NRAP: variants seen among roughly 807,000 people sequenced by gnomAD.
The protein encoded by NRAP is nebulin related anchoring protein, also known as nebulin-related-anchoring protein.
A neutral mutation model predicts 225.9 loss-of-function variants in NRAP; 189 were observed. That is an observed-to-expected ratio of 0.84 (90% CI 0.74 to 0.94). The LOEUF is 0.94. Among genes scored for constraint, NRAP ranks in the 40% least tolerant of loss-of-function variants. NRAP has a pLI of 0.00. For synonymous variants in NRAP, 769 were observed against 790.7 expected (o/e 0.97, Z 0.46); for missense variants, 2,176 against 2,168.7 (o/e 1.00, Z -0.07).
At chr10:113,605,638 C>T in intron 34 of NRAP, 124 bp downstream of exon 34, 1 of 689,766 alleles carries the variant, frequency 1.4e-6, no homozygotes. Flanking sequence ...ATATATTCTG[C>T]AGGTGACATC....
Position 113,615,567 on chromosome 10 carries a change from G to T in NRAP, c.3078+145C>A, listed in dbSNP as rs141068792. 1,271 of 656,790 alleles carry T rather than the reference G, an allele frequency of 1.9e-3. 13 individuals are homozygous for T. The African/African-American group carries it at 0.02, about 10-fold the overall frequency. 40.7% of individuals were successfully genotyped at this position (656,790 alleles called of 1,614,324 possible). On this transcript the variant is annotated intron_variant, in intron 27 of 41. Transcript: ENST00000359988. ...TGCAGATGAAAATGTGGGGCCCCTT[G>T]TTCAAAAATATCACATATTTCAAGG...
chr10:113,647,577 T>C (rs79277339), intron 9 of NRAP, among the ~76,000 whole-genome samples: 367 of 29,256 alleles, frequency 0.013, 30 homozygotes, highest in African/African-American at 0.024. Flanking sequence ...CTGCCTCCCC[T>C]GGTGGTACTT....
Position 113,621,046 on chromosome 10 carries a change from TA to T in NRAP, c.2770-339del, listed in dbSNP as rs555119407. On this transcript the variant is annotated intron_variant, in intron 24 of 41. Coordinates refer to ENST00000359988, the MANE Select transcript of NRAP (RefSeq NM_198060.4). The stretch of plus-strand genomic sequence containing the variant: ...TGTCTGCATTACCAGTTTTCTTGTT[TA>T]AAATGACACACGGGGGACAAGAAAA... Among the ~76,000 whole-genome samples the T allele has an allele frequency of 4.7e-3, 720 of 152,266 alleles. 2 individuals carry two copies. The highest frequency in any genetic ancestry group is 0.016 in the African/African-American group (683 of 41,544).
At position 113,663,955 on chromosome 10, in the gene NRAP, A is replaced by G; in HGVS notation, c.-73T>C. 5 of 1,147,208 alleles carry G rather than the reference A, an allele frequency of 4.4e-6. No individual in the cohort carries two copies. Among genetic ancestry groups the G allele is most frequent in the Non-Finnish European group, 6.6e-6 (5 of 759,400 alleles). 71.1% of individuals were successfully genotyped at this position (1,147,208 alleles called of 1,614,324 possible). On this transcript the variant is annotated 5_prime_UTR_variant, in exon 1 of 42. Transcript: ENST00000359988. Reference sequence around the variant, plus strand: ...GCAAGGAGAACCCCCAGTCTAGTTCAAGTCTTCAAAATCCGACGACCATAA... The same window carrying G: ...GCAAGGAGAACCCCCAGTCTAGTTCGAGTCTTCAAAATCCGACGACCATAA...
chr10:113,592,467 G>T (rs778369891), intron 38 of NRAP, among the ~76,000 whole-genome samples, 166 bp from the exon 39 acceptor site: 6 of 152,168 alleles, frequency 3.9e-5, no homozygotes, highest in Non-Finnish European at 5.9e-5. Context: ...GATTGGTGGG[G>T]TTGGCCGTAA....
chr10:113,597,304 C>T (rs985256913), intron 36 of NRAP, 120 bp from the exon 37 acceptor site: 17 of 693,176 alleles, frequency 2.5e-5, no homozygotes, highest in Non-Finnish European at 4.2e-5. Context: ...GGAAAACAAG[C>T]CTTTCTTCTT....
chr10:113,662,899 G>T, intron 2 of NRAP, 133 bp from the exon 3 acceptor site: 1 of 475,328 alleles, frequency 2.1e-6, no homozygotes, highest in South Asian at 4.8e-5. Flanking sequence ...TAAAAATTAA[G>T]TTCGTGATTT....
chr10:113,662,914 G>A, intron 2 of NRAP, 148 bp from the exon 3 acceptor site: 1 of 469,214 alleles, frequency 2.1e-6, no homozygotes, highest in Non-Finnish European at 3.7e-6. Context: ...TGATTTTCCA[G>A]GCAATGCATC....
intron 2 of NRAP, 25 bp downstream of exon 2, chr10:113,663,327 A>AG (rs752415694): frequency 3.6e-5 from 47 of 1,310,566 alleles, no homozygotes; most frequent in Non-Finnish European, 5.1e-5. Flanking sequence ...CTCAAGAGGT[A>AG]GTGGTGGGGG....
chr10:113,630,045 G>A (rs1358777488), intron 18 of NRAP, among the ~76,000 whole-genome samples: 1 of 152,128 alleles, frequency 6.6e-6, no homozygotes, highest in Non-Finnish European at 1.5e-5. Context: ...TGCTCCAGGA[G>A]AAAACTCTAT....
At chr10:113,642,359 C>G (rs1849251977) in intron 12 of NRAP, among the ~76,000 whole-genome samples, 1 of 152,162 alleles carries the variant, frequency 6.6e-6, no homozygotes, top group Non-Finnish European at 1.5e-5. Context: ...GTGCCTTACA[C>G]AGTCCCTTGC....
At chr10:113,595,517 A>T in intron 38 of NRAP, 106 bp downstream of exon 38, 1 of 685,602 alleles carries the variant, frequency 1.5e-6, no homozygotes, top group Admixed American at 2.3e-5. Context: ...TTCTGTTCCA[A>T]GTCCTCCTTC....
At chr10:113,639,650 A>T (rs1166229422) in intron 14 of NRAP, among the ~76,000 whole-genome samples, 1 of 152,188 alleles carries the variant, frequency 6.6e-6, no homozygotes, top group Non-Finnish European at 1.5e-5. Flanking sequence ...TTCTATAATA[A>T]ACATGTAGTA....
At chr10:113,650,849 A>T (rs1475994197) in intron 7 of NRAP, among the ~76,000 whole-genome samples, 1 of 152,200 alleles carries the variant, frequency 6.6e-6, no homozygotes, top group Non-Finnish European at 1.5e-5. Flanking sequence ...AGGAGTTGTC[A>T]GCCATTTTTG....
At chr10:113,626,735 A>C (rs1056030031) in intron 20 of NRAP, among the ~76,000 whole-genome samples, 2 of 152,172 alleles carry the variant, frequency 1.3e-5, no homozygotes, top group South Asian at 2.1e-4. Flanking sequence ...AAGGAAGGAG[A>C]CACAGAGCCA....
At chr10:113,654,507 C>CAAAAAAAAAAA (rs56238053) in intron 4 of NRAP, among the ~76,000 whole-genome samples, 4 of 128,678 alleles carry the variant, frequency 3.1e-5, no homozygotes, top group Non-Finnish European at 1.6e-5. Flanking sequence ...GCAATAAAAG[C>CAAAAAAAAAAA]AAAAAAAAAA....
At chr10:113,604,547 C>T in intron 35 of NRAP, 62 bp downstream of exon 35, 1 of 1,473,786 alleles carries the variant, frequency 6.8e-7, no homozygotes, top group Non-Finnish European at 9.3e-7. Context: ...GAGATTGACA[C>T]CCGGGTTTGG....
intron 5 of NRAP, 104 bp from the exon 6 acceptor site, chr10:113,653,143 G>T: frequency 1.5e-6 from 1 of 647,788 alleles, no homozygotes; most frequent in Non-Finnish European, 2.7e-6. Context: ...AAGTTCTTCG[G>T]AAATATTTCA....
intron 25 of NRAP, among the ~76,000 whole-genome samples, chr10:113,617,814 G>GTA (rs1180703266): frequency 6.6e-6 from 1 of 152,180 alleles, no homozygotes; most frequent in Non-Finnish European, 1.5e-5. Context: ...GTAAAATACT[G>GTA]TAGGATACAC....
Sources: allele counts gnomAD v4.1 joint callset (sites outside exome capture counted in the v4.1 genomes callset), GRCh38; gene constraint gnomAD v4.1.1; transcripts MANE v1.5; gene names NCBI Gene and HGNC (gene_info 2026-07-23, HGNC 2026-07-21).